The following SETBP1 variants were observed in gnomAD, a reference collection of about 807,000 sequenced individuals.
The protein encoded by SETBP1 is SET-binding protein.
A neutral mutation model predicts 101.0 loss-of-function variants in SETBP1; 9 were observed. The observed-to-expected ratio is 0.09, with a 90% CI of 0.05 to 0.16. The LOEUF (loss-of-function observed/expected upper bound fraction) is 0.16, where lower values mean the gene tolerates loss of function less well. Among genes scored for constraint, SETBP1 ranks in the 10% least tolerant of loss-of-function variants. SETBP1 has a pLI of 1.00. For missense variants in SETBP1, 1,858 were observed against 2,033.8 expected (o/e 0.91, Z 1.66); for synonymous variants, 818 against 788.5 (o/e 1.04, Z -0.63).
At chr18:44,780,430 A>C (rs976624000) in intron 2 of SETBP1, among the ~76,000 whole-genome samples, 1 of 152,190 alleles carries the variant, frequency 6.6e-6, no homozygotes, top group African/African-American at 2.4e-5. Context: ...TAGGATAATA[A>C]ATCGTAAATA....
In SETBP1 at chr18:44,950,547, A is replaced by G. The variant is rs889486174; in HGVS notation, c.1207A>G (p.Thr403Ala). The G allele has an allele frequency of 1.9e-6, 3 of 1,614,112 alleles. No homozygotes were observed. Among genetic ancestry groups the G allele is most frequent in the Non-Finnish European group, 2.5e-6 (3 of 1,180,032 alleles). The change falls in exon 4 of 6, where the codon ACT becomes GCT. Residue 403 changes from threonine (T) to alanine (A), a missense_variant. This residue lies in a region of SETBP1 where 581 missense variants were observed against 535.1 expected (regional missense o/e 1.09). Coordinates refer to ENST00000649279, the MANE Select transcript of SETBP1 (RefSeq NM_015559.3). ...PENDSSHVRI[T>A]IPIKAPSLDP... ...AAATGACTCAAGTCATGTCCGGATT[A>G]CTATCCCCATCAAGGCACCCTCTCT...
At chr18:44,782,136 T>C (rs1479353531) in intron 2 of SETBP1, among the ~76,000 whole-genome samples, 1 of 152,182 alleles carries the variant, frequency 6.6e-6, no homozygotes, top group Non-Finnish European at 1.5e-5. Context: ...AGAGGCACAC[T>C]GCTTCCAGCA....
intron 2 of SETBP1, among the ~76,000 whole-genome samples, chr18:44,715,115 C>A (rs1485958935): frequency 6.6e-6 from 1 of 152,198 alleles, no homozygotes; most frequent in East Asian, 1.9e-4. Context: ...TCGAAACATT[C>A]CACCCTGCCT....
intron 2 of SETBP1, among the ~76,000 whole-genome samples, chr18:44,855,261 T>G (rs661251): frequency 0.32 from 47,689 of 151,200 alleles, 7,496 homozygotes; most frequent in South Asian, 0.39. Context: ...GGACTTTGGG[T>G]TTTTTTTTGG....
chr18:44,770,075 T>G (rs2070840928), intron 2 of SETBP1, among the ~76,000 whole-genome samples: 3 of 152,170 alleles, frequency 2.0e-5, no homozygotes, highest in Admixed American at 2.0e-4. Flanking sequence ...CTCTTTCCCC[T>G]CCTCCCAGCT....
chr18:45,025,776 A>G (rs2073152976), intron 4 of SETBP1, among the ~76,000 whole-genome samples: 2 of 152,348 alleles, frequency 1.3e-5, no homozygotes, highest in South Asian at 4.1e-4. Flanking sequence ...TTTTGCTGAG[A>G]AGACTAATTA....
chr18:44,971,952 G>T (rs1017799929), intron 4 of SETBP1, among the ~76,000 whole-genome samples: 1 of 152,080 alleles, frequency 6.6e-6, no homozygotes, highest in Non-Finnish European at 1.5e-5. Flanking sequence ...GTCCTTGCCC[G>T]TGCCTATGTC....
At chr18:44,725,162 C>G (rs767951550) in intron 2 of SETBP1, among the ~76,000 whole-genome samples, 12 of 152,194 alleles carry the variant, frequency 7.9e-5, no homozygotes, top group Non-Finnish European at 1.6e-4. Context: ...TAGGGAGACA[C>G]ATAAGCAGGT....
chr18:45,053,072 T>G (rs959608612), intron 5 of SETBP1, among the ~76,000 whole-genome samples: 4 of 152,182 alleles, frequency 2.6e-5, no homozygotes, highest in African/African-American at 9.7e-5. Context: ...TTGAAAGTGT[T>G]TAAGGGAGTT....
intron 2 of SETBP1, among the ~76,000 whole-genome samples, chr18:44,853,049 A>G (rs1236797343): frequency 6.6e-6 from 1 of 152,218 alleles, no homozygotes; most frequent in African/African-American, 2.4e-5. Context: ...GGGGCATTTA[A>G]TGTTTGGCCA....
chr18:45,042,364 G>A (rs1260806752), intron 5 of SETBP1, among the ~76,000 whole-genome samples: 1 of 152,064 alleles, frequency 6.6e-6, no homozygotes, highest in African/African-American at 2.4e-5. Context: ...TGGCCAGGCT[G>A]GTCTCGAACT....
At chr18:44,769,553 C>T (rs573827871) in intron 2 of SETBP1, among the ~76,000 whole-genome samples, 4 of 152,304 alleles carry the variant, frequency 2.6e-5, no homozygotes, top group Middle Eastern at 3.4e-3. Context: ...ATTCTTTCTT[C>T]TTTTCTTCTA....
In SETBP1 at chr18:44,753,868, A is replaced by G. The variant is rs189868418; in HGVS notation, c.486+52036A>G. On this transcript the variant is annotated intron_variant, in intron 2 of 5. Transcript: ENST00000649279. ...AAGAGACAAGGTGAAGAAGGATGGC[A>G]TAACTCTTGGGGCATAGTTGAAGCC... Among the ~76,000 whole-genome samples the G allele has an allele frequency of 2.0e-5, 3 of 152,344 alleles. No individual in the cohort carries two copies. The East Asian group carries it at 5.8e-4, about 29-fold the overall frequency.
chr18:45,064,823 A>AT lies in SETBP1; in HGVS notation c.*1125_*1126insT, dbSNP rs1158227971. The AT allele has an allele frequency of 6.6e-6, 1 of 151,850 alleles. No homozygotes were observed. Among genetic ancestry groups the AT allele is most frequent in the African/African-American group, 2.4e-5 (1 of 41,500 alleles). The allele number at this position is 151,850 out of a possible 1,614,324, so 9.4% of individuals were successfully genotyped here. A position where few individuals can be genotyped will look rare whatever the true frequency, so the allele number is the denominator to read the frequency against. On this transcript the variant is annotated 3_prime_UTR_variant, in exon 6 of 6. Coordinates refer to ENST00000649279, the MANE Select transcript of SETBP1 (RefSeq NM_015559.3). ...ATAGGTTGTTCAAAAAAAAAAAAAA[A>AT]AAGGAAACAAAAACACAATAGAAGT...
chr18:44,914,608 T>C (rs970078798), intron 3 of SETBP1, among the ~76,000 whole-genome samples: 1 of 152,182 alleles, frequency 6.6e-6, no homozygotes, highest in Admixed American at 6.5e-5. Flanking sequence ...ATAGTCTATG[T>C]AATCAAATGA....
In SETBP1 at chr18:44,950,182, A is replaced by G. The variant is rs764797231; in HGVS notation, c.842A>G (p.Asn281Ser). The change falls in exon 4 of 6, where the codon AAC (asparagine) becomes AGC (serine). Residue 281 changes from asparagine (N) to serine (S), a missense_variant. Physicochemically the swap from Asn to Ser is conservative, Grantham distance 46 (BLOSUM62 1). Coordinates refer to ENST00000649279, the MANE Select transcript of SETBP1 (RefSeq NM_015559.3). Reference sequence around the variant, plus strand: ...ACGTGGAGTCAGTTGTCTAACAATAACAAAGATCTGCTCTTGGGAGGTGTG... The same window carrying G: ...ACGTGGAGTCAGTTGTCTAACAATAGCAAAGATCTGCTCTTGGGAGGTGTG... The part of the protein sequence containing the change: ...GNTWSQLSNN[N>S]KDLLLGGVAP... The G allele has an allele frequency of 2.5e-6, 4 of 1,613,930 alleles. No homozygotes were observed. Among genetic ancestry groups the G allele is most frequent in the Middle Eastern group, 1.6e-4 (1 of 6,062 alleles).
intron 2 of SETBP1, among the ~76,000 whole-genome samples, chr18:44,848,360 C>T (rs2072769908): frequency 6.6e-6 from 1 of 152,162 alleles, no homozygotes; most frequent in Non-Finnish European, 1.5e-5. Flanking sequence ...AGCAGATTAG[C>T]ACACCTGGGT....
chr18:45,029,830 A>C (rs1207685871), intron 4 of SETBP1, among the ~76,000 whole-genome samples: 1 of 152,104 alleles, frequency 6.6e-6, no homozygotes, highest in Non-Finnish European at 1.5e-5. Flanking sequence ...TTGGTGTATA[A>C]GAATGCTTGT....
intron 3 of SETBP1, among the ~76,000 whole-genome samples, chr18:44,915,772 C>T (rs1478785103): frequency 1.3e-5 from 2 of 152,146 alleles, no homozygotes; most frequent in East Asian, 3.9e-4. Flanking sequence ...GCAAAGTATT[C>T]CACTTCTCTA....
Sources: allele counts gnomAD v4.1 joint callset (sites outside exome capture counted in the v4.1 genomes callset), GRCh38; gene constraint gnomAD v4.1.1; regional missense constraint gnomAD v4.1.1; transcripts MANE v1.5; gene names NCBI Gene and HGNC (gene_info 2026-07-23, HGNC 2026-07-21).